Variants in CCSER2 observed in about 807,000 individuals in gnomAD.
CCSER2 encodes coiled-coil serine rich protein 2.
CCSER2 carries 46 observed loss-of-function variants against 92.3 expected under a neutral mutation model. The observed-to-expected ratio is 0.50, with a 90% CI of 0.39 to 0.64. The LOEUF is 0.64. Among genes scored for constraint, CCSER2 ranks in the 30% least tolerant of loss-of-function variants. The pLI, the probability that CCSER2 is intolerant of heterozygous loss-of-function variation, is 0.00. For missense variants in CCSER2, 1,244 were observed against 1,238.9 expected, an observed-to-expected ratio of 1.00 and a Z score of -0.06; for synonymous variants, 433 against 431.4, an observed-to-expected ratio of 1.00 and a Z score of -0.04.
intron 3 of CCSER2, among the ~76,000 whole-genome samples, chr10:84,385,792 G>A (rs1368041878): frequency 6.6e-6 from 1 of 151,958 alleles, no homozygotes; most frequent in African/African-American, 2.4e-5. Flanking sequence ...AAACAACAGA[G>A]TAAACAGACA....
intron 9 of CCSER2, among the ~76,000 whole-genome samples, chr10:84,506,589 C>T (rs371159489): frequency 6.6e-6 from 1 of 151,598 alleles, no homozygotes; most frequent in Non-Finnish European, 1.5e-5. Context: ...GTCAGGAGTT[C>T]GAGACCAGTC....
chr10:84,492,889 T>G (rs1848249594), intron 9 of CCSER2, among the ~76,000 whole-genome samples: 3 of 152,180 alleles, frequency 2.0e-5, no homozygotes, highest in Admixed American at 2.0e-4. Context: ...ACATCTGTAT[T>G]CTGGGGGTTA....
intron 1 of CCSER2, among the ~76,000 whole-genome samples, chr10:84,360,571 C>T (rs1248516518): frequency 1.3e-5 from 2 of 152,180 alleles, no homozygotes; most frequent in Non-Finnish European, 2.9e-5. Flanking sequence ...AAATGATGTA[C>T]TCTTGGTGAA....
Position 84,436,325 on chromosome 10 carries a change from C to CAAAAAAAAAAAA in CCSER2, c.1869-2170_1869-2159dup, listed in dbSNP as rs1160681619. ...TGGGCGACAGAGCGAGACTCCGTCT[C>CAAAAAAAAAAAA]AAAAAAAAAAAAAAAAAAAAAAAAA... On this transcript the variant is annotated intron_variant, in intron 5 of 9. Coordinates refer to ENST00000372088, the MANE Select transcript of CCSER2 (RefSeq NM_001284240.2). Among the ~76,000 whole-genome samples the CAAAAAAAAAAAA allele has an allele frequency of 1.1e-3, 16 of 14,340 alleles. 4 individuals are homozygous for CAAAAAAAAAAAA. Among genetic ancestry groups the CAAAAAAAAAAAA allele is most frequent in the African/African-American group, 4.3e-3 (10 of 2,340 alleles). 9.4% of individuals were successfully genotyped at this position (14,340 alleles called of 152,430 possible). A position where few individuals can be genotyped will look rare whatever the true frequency, so the allele number is the denominator to read the frequency against.
chr10:84,425,724 T>C lies in CCSER2; in HGVS notation c.1706-7T>C, dbSNP rs762738070. 3.8e-6 allele frequency: 6 copies of C among 1,570,412 alleles called. No individual in the cohort carries two copies. In the Admixed American group the frequency reaches 1.1e-4, roughly 28 times the overall value. ...GTTTATAGTCTTTTGCTTTTGAATC[T>C]GTCTAGTGGAGTGTGACAATATGAA... is the stretch of plus-strand genomic sequence containing the variant. On this transcript the variant is annotated splice_region_variant and splice_polypyrimidine_tract_variant and intron_variant, in intron 4 of 9. Coordinates refer to ENST00000372088, the MANE Select transcript of CCSER2 (RefSeq NM_001284240.2).
chr10:84,380,207 A>G lies in CCSER2; in HGVS notation c.1614+6392A>G, dbSNP rs575386317. 5.3e-5 allele frequency among the ~76,000 whole-genome samples: 8 copies of G among 152,248 alleles called. No individual in the cohort carries two copies. In the South Asian group the frequency reaches 1.2e-3, roughly 24 times the overall value. ...CAGTCTGGTGAGTGTGAGATGATAC[A>G]TAATTTTAATTTACATTTATACTAT... On this transcript the variant is annotated intron_variant, in intron 3 of 9. Transcript: ENST00000372088.
At chr10:84,508,701 TATAG>T (rs555134080) in intron 9 of CCSER2, among the ~76,000 whole-genome samples, 42 of 152,314 alleles carry the variant, frequency 2.8e-4, no homozygotes, top group African/African-American at 8.2e-4. Flanking sequence ...ATTCAAAACT[TATAG>T]ATAGTGTTGA....
chr10:84,453,965 C>CTT (rs1845448122), intron 6 of CCSER2, among the ~76,000 whole-genome samples: 1 of 151,952 alleles, frequency 6.6e-6, no homozygotes, highest in East Asian at 1.9e-4. Context: ...TTTTTACTTG[C>CTT]TTTTAGCTGT....
chr10:84,389,781 T>G (rs1841423509), intron 3 of CCSER2, among the ~76,000 whole-genome samples: 3 of 152,174 alleles, frequency 2.0e-5, no homozygotes. Flanking sequence ...ATCAGGGACT[T>G]TAGTCTCTTC....
intron 1 of CCSER2, among the ~76,000 whole-genome samples, chr10:84,358,487 TTTTAC>T (rs1165201210): frequency 6.6e-6 from 1 of 151,978 alleles, no homozygotes; most frequent in African/African-American, 2.4e-5. Flanking sequence ...TGGAAAGTAA[TTTTAC>T]TTTGTCTAAA....
intron 1 of CCSER2, among the ~76,000 whole-genome samples, chr10:84,351,992 G>A (rs1844883975): frequency 6.6e-6 from 1 of 152,102 alleles, no homozygotes; most frequent in East Asian, 1.9e-4. Flanking sequence ...ACTCATGAGA[G>A]CAAGATAGGC....
chr10:84,461,833 CT>C (rs1405241699), intron 6 of CCSER2, among the ~76,000 whole-genome samples: 1 of 152,006 alleles, frequency 6.6e-6, no homozygotes, highest in Admixed American at 6.6e-5. Context: ...ATTTTCTCCT[CT>C]GTTTAGATGT....
chr10:84,369,400 A>G (rs1049255004), intron 1 of CCSER2, among the ~76,000 whole-genome samples: 1 of 152,016 alleles, frequency 6.6e-6, no homozygotes, highest in Admixed American at 6.5e-5. Flanking sequence ...TTTAATTTGC[A>G]CGTCCCTGAT....
chr10:84,508,757 C>G (rs1473924089), intron 9 of CCSER2, among the ~76,000 whole-genome samples: 1 of 152,110 alleles, frequency 6.6e-6, no homozygotes, highest in Non-Finnish European at 1.5e-5. Flanking sequence ...ACCTCATATT[C>G]TAGTTTATTA....
intron 6 of CCSER2, among the ~76,000 whole-genome samples, chr10:84,457,516 TTATA>T (rs1295224656): frequency 5.1e-5 from 6 of 118,298 alleles, no homozygotes; most frequent in Non-Finnish European, 8.1e-5. Context: ...TCATATATAT[TTATA>T]TATAATATAT....
intron 9 of CCSER2, among the ~76,000 whole-genome samples, chr10:84,508,979 TC>T (rs1433461328): frequency 6.6e-6 from 1 of 152,204 alleles, no homozygotes; most frequent in African/African-American, 2.4e-5. Flanking sequence ...TAAGATACTT[TC>T]CCCAACCTAT....
intron 9 of CCSER2, among the ~76,000 whole-genome samples, chr10:84,511,054 G>T (rs574876619): frequency 1.3e-5 from 2 of 151,932 alleles, no homozygotes; most frequent in African/African-American, 2.4e-5. Context: ...ATTTTATTTC[G>T]CATATAGAAA....
chr10:84,379,648 A>G (rs1840788054), intron 3 of CCSER2, among the ~76,000 whole-genome samples: 2 of 152,138 alleles, frequency 1.3e-5, no homozygotes, highest in African/African-American at 4.8e-5. Flanking sequence ...TGTGAATTCT[A>G]AGGCATGTTG....
intron 6 of CCSER2, among the ~76,000 whole-genome samples, chr10:84,451,019 A>G (rs1388152994): frequency 6.6e-6 from 1 of 152,196 alleles, no homozygotes; most frequent in South Asian, 2.1e-4. Context: ...AAATCATAAC[A>G]GCTTTGTTTT....
Sources: gnomAD v4.1 joint callset for allele counts (sites outside exome capture counted in the v4.1 genomes callset) on GRCh38, gnomAD v4.1.1 for gene constraint, MANE v1.5 for transcripts, NCBI Gene and HGNC (gene_info 2026-07-23, HGNC 2026-07-21) for gene names.